Variants in BMPER observed in about 807,000 individuals in gnomAD.
The protein encoded by BMPER is BMP-binding endothelial regulator protein.
Under a neutral mutation model 87.3 loss-of-function variants are expected in BMPER, and 45 were observed. That is an observed-to-expected ratio of 0.52 (90% CI 0.41 to 0.66). BMPER has a LOEUF of 0.66. Among genes scored for constraint, BMPER ranks in the 30% least tolerant of loss-of-function variants. BMPER has a pLI of 0.00. For synonymous variants in BMPER, 326 were observed against 316.2 expected, an observed-to-expected ratio of 1.03 and a Z score of -0.33; for missense variants, 784 against 867.5, an observed-to-expected ratio of 0.90 and a Z score of 1.21.
At chr7:33,906,947 G>T (rs1471069031) in intron 2 of BMPER, 44 bp downstream of exon 2, 1 of 1,499,912 alleles carries the variant, frequency 6.7e-7, no homozygotes, top group Non-Finnish European at 9.3e-7. Flanking sequence ...TGCTCTCTCT[G>T]ATAAGGTGAA....
intron 6 of BMPER, among the ~76,000 whole-genome samples, chr7:34,040,877 A>G (rs1227095289): frequency 2.6e-5 from 4 of 151,880 alleles, no homozygotes; most frequent in African/African-American, 9.7e-5. Context: ...GAAAGGAAAA[A>G]GCCCTGGAGG....
intron 12 of BMPER, among the ~76,000 whole-genome samples, chr7:34,084,732 G>T (rs1023922215): frequency 1.3e-5 from 2 of 152,186 alleles, no homozygotes; most frequent in African/African-American, 4.8e-5. Context: ...CTTCTAGTCA[G>T]ATGTATCTAT....
intron 6 of BMPER, among the ~76,000 whole-genome samples, chr7:33,976,958 C>T (rs1233568612): frequency 6.6e-6 from 1 of 152,178 alleles, no homozygotes; most frequent in Non-Finnish European, 1.5e-5. Flanking sequence ...TTTCTCATAT[C>T]CTTGTATTCT....
chr7:34,114,416 T>A (rs771518283), intron 13 of BMPER, among the ~76,000 whole-genome samples: 1 of 152,252 alleles, frequency 6.6e-6, no homozygotes, highest in African/African-American at 2.4e-5. Context: ...TTCTGCAGTT[T>A]GTTTTATTGA....
chr7:34,122,411 G>A (rs947782017), intron 13 of BMPER, among the ~76,000 whole-genome samples: 3 of 152,176 alleles, frequency 2.0e-5, no homozygotes, highest in African/African-American at 7.2e-5. Flanking sequence ...GGCTCAATAG[G>A]TTTTAGGTAG....
chr7:34,005,722 A>G (rs913033998), intron 6 of BMPER, among the ~76,000 whole-genome samples: 1 of 151,912 alleles, frequency 6.6e-6, no homozygotes, highest in Non-Finnish European at 1.5e-5. Context: ...GTTGATTTTG[A>G]TAATTGTTGA....
intron 6 of BMPER, among the ~76,000 whole-genome samples, chr7:34,026,300 G>A (rs1241620018): frequency 1.3e-5 from 2 of 152,042 alleles, no homozygotes; most frequent in African/African-American, 4.8e-5. Flanking sequence ...TTATTGGACA[G>A]CAGAGACATT....
intron 13 of BMPER, among the ~76,000 whole-genome samples, chr7:34,117,460 G>C (rs753928663): frequency 6.4e-4 from 97 of 152,102 alleles, no homozygotes; most frequent in Non-Finnish European, 1.2e-3. Flanking sequence ...GGGTAAAAAA[G>C]TAATAACTAA....
intron 3 of BMPER, among the ~76,000 whole-genome samples, chr7:33,950,232 G>C (rs1048591399): frequency 2.6e-5 from 4 of 152,138 alleles, no homozygotes. Context: ...GTGGAGGAGG[G>C]TGGTAGTTCT....
At chr7:33,921,013 C>A (rs189517369) in intron 2 of BMPER, among the ~76,000 whole-genome samples, 1 of 152,230 alleles carries the variant, frequency 6.6e-6, no homozygotes, top group Admixed American at 6.5e-5. Context: ...CTATTCATGT[C>A]ATCTTTATCA....
chr7:34,000,113 G>A (rs144149750), intron 6 of BMPER, among the ~76,000 whole-genome samples: 5 of 152,148 alleles, frequency 3.3e-5, no homozygotes, highest in South Asian at 2.1e-4. Context: ...ATCACATGTC[G>A]AGTGCACAGG....
At chr7:34,039,711 T>A (rs1162744005) in intron 6 of BMPER, among the ~76,000 whole-genome samples, 1 of 152,080 alleles carries the variant, frequency 6.6e-6, no homozygotes, top group Non-Finnish European at 1.5e-5. Flanking sequence ...TGTATGTATA[T>A]GTATATGTAT....
At chr7:34,026,243 G>C (rs1314842102) in intron 6 of BMPER, among the ~76,000 whole-genome samples, 2 of 151,956 alleles carry the variant, frequency 1.3e-5, no homozygotes, top group Non-Finnish European at 1.5e-5. Flanking sequence ...ATCAGTGGTG[G>C]GGAACAGGAT....
chr7:34,090,150 G>A (rs1342137706), intron 13 of BMPER, among the ~76,000 whole-genome samples: 1 of 152,138 alleles, frequency 6.6e-6, no homozygotes, highest in African/African-American at 2.4e-5. Context: ...TCAAGTCTTA[G>A]CTTTGCTAAT....
At chr7:34,050,116 G>A (rs1173003838) in intron 7 of BMPER, among the ~76,000 whole-genome samples, 2 of 152,162 alleles carry the variant, frequency 1.3e-5, no homozygotes, top group Admixed American at 6.5e-5. Context: ...TAGTATGTCA[G>A]TTCTTAGGAA....
intron 3 of BMPER, among the ~76,000 whole-genome samples, chr7:33,955,324 C>T (rs900879598): frequency 6.6e-5 from 10 of 152,216 alleles, no homozygotes; most frequent in African/African-American, 2.4e-4. Flanking sequence ...GAGGCAGCCA[C>T]ACAGACTTCC....
At chr7:33,991,993 A>C (rs1374195045) in intron 6 of BMPER, among the ~76,000 whole-genome samples, 2 of 145,802 alleles carry the variant, frequency 1.4e-5, no homozygotes, top group African/African-American at 5.1e-5. Context: ...AGTTTGTTAT[A>C]ATTTCTGTTC....
At chr7:34,082,801 C>T (rs1338404794) in intron 12 of BMPER, among the ~76,000 whole-genome samples, 1 of 152,164 alleles carries the variant, frequency 6.6e-6, no homozygotes, top group African/African-American at 2.4e-5. Flanking sequence ...CTGGTGTGTA[C>T]ATTCTCAACC....
chr7:34,148,974 A>G (rs1791100727), intron 14 of BMPER, among the ~76,000 whole-genome samples: 2 of 152,220 alleles, frequency 1.3e-5, no homozygotes, highest in Admixed American at 1.3e-4. Flanking sequence ...GATTGGCCAG[A>G]TAAAATCCAC....
Sources: gnomAD v4.1 joint callset for allele counts (sites outside exome capture counted in the v4.1 genomes callset) on GRCh38, gnomAD v4.1.1 for gene constraint, MANE v1.5 for transcripts, NCBI Gene and HGNC (gene_info 2026-07-23, HGNC 2026-07-21) for gene names.